Variants in TEC observed in about 807,000 individuals in gnomAD.
The protein encoded by TEC is tec protein tyrosine kinase.
A neutral mutation model predicts 93.0 loss-of-function variants in TEC; 72 were observed. That is an observed-to-expected ratio of 0.77 (90% confidence interval 0.64 to 0.94). TEC has a LOEUF of 0.94. Ranked by LOEUF, TEC falls within the 40% of genes least tolerant of loss-of-function variation. The pLI, the probability that TEC is intolerant of heterozygous loss-of-function variation, is 0.00. For synonymous variants in TEC, 249 were observed against 247.7 expected, an observed-to-expected ratio of 1.01 and a Z score of -0.05; for missense variants, 630 against 757.9, an observed-to-expected ratio of 0.83 and a Z score of 1.98.
chr4:48,195,453 G>T (rs1319075517), intron 2 of TEC, among the ~76,000 whole-genome samples: 1 of 152,064 alleles, frequency 6.6e-6, no homozygotes, highest in Non-Finnish European at 1.5e-5. Context: ...TGTCCTTTGT[G>T]GTAAAGTGCA....
chr4:48,197,124 G>A (rs1379852524), intron 2 of TEC, among the ~76,000 whole-genome samples: 2 of 152,098 alleles, frequency 1.3e-5, no homozygotes, highest in Non-Finnish European at 2.9e-5. Flanking sequence ...GTCATATTCC[G>A]GTGAATATAA....
At chr4:48,191,040 C>T (rs1374997196) in intron 2 of TEC, among the ~76,000 whole-genome samples, 1 of 152,212 alleles carries the variant, frequency 6.6e-6, no homozygotes, top group Non-Finnish European at 1.5e-5. Flanking sequence ...AGCACCCAGG[C>T]TTCAGTGACC....
At chr4:48,234,664 TAAC>T (rs1218866187) in intron 1 of TEC, among the ~76,000 whole-genome samples, 2 of 152,180 alleles carry the variant, frequency 1.3e-5, no homozygotes, top group Admixed American at 6.5e-5. Flanking sequence ...CTGCTACAAA[TAAC>T]AACTACACCG....
intron 1 of TEC, among the ~76,000 whole-genome samples, chr4:48,248,052 T>C (rs1437842665): frequency 2.6e-5 from 4 of 152,126 alleles, no homozygotes; most frequent in Non-Finnish European, 5.9e-5. Flanking sequence ...ACACAGTCAA[T>C]TAGCCTTGAG....
At chr4:48,218,510 C>T (rs1221372763) in intron 2 of TEC, among the ~76,000 whole-genome samples, 1 of 152,178 alleles carries the variant, frequency 6.6e-6, no homozygotes, top group East Asian at 1.9e-4. Flanking sequence ...TCCAATTGCC[C>T]GGTAGTACAA....
At chr4:48,176,210 A>G (rs1312594614) in intron 2 of TEC, 24 bp from the exon 3 acceptor site, 1 of 1,550,664 alleles carries the variant, frequency 6.4e-7, no homozygotes. Context: ...AAAAGGAGAA[A>G]CATTAGAATC....
chr4:48,150,489 TC>T (rs1000504621), intron 10 of TEC, among the ~76,000 whole-genome samples: 46 of 152,044 alleles, frequency 3.0e-4, no homozygotes, highest in African/African-American at 1.0e-3. Context: ...CACATTACCC[TC>T]CCACATGGCA....
intron 2 of TEC, among the ~76,000 whole-genome samples, chr4:48,179,651 A>G (rs1285762970): frequency 6.6e-6 from 1 of 151,882 alleles, no homozygotes; most frequent in African/African-American, 2.4e-5. Context: ...GGCCTCCCAA[A>G]GTGCTGGGAT....
At chr4:48,254,799 C>CATA (rs1724297432) in intron 1 of TEC, among the ~76,000 whole-genome samples, 1 of 152,146 alleles carries the variant, frequency 6.6e-6, no homozygotes. Context: ...TGGGCTATGC[C>CATA]ATAGGGCAGG....
intron 1 of TEC, among the ~76,000 whole-genome samples, chr4:48,243,159 T>G (rs1471835519): frequency 6.6e-6 from 1 of 151,436 alleles, no homozygotes; most frequent in Non-Finnish European, 1.5e-5. Flanking sequence ...CAATGGTTCT[T>G]TAAACATCAT....
intron 7 of TEC, among the ~76,000 whole-genome samples, chr4:48,165,010 CAAAAAAAAGAAAGAA>C (rs1720825101): frequency 6.7e-6 from 1 of 149,790 alleles, no homozygotes; most frequent in Non-Finnish European, 1.5e-5. Flanking sequence ...GACTCCATCT[CAAAAAAAAGAAAGAA>C]AAAGAAAAGA....
intron 3 of TEC, among the ~76,000 whole-genome samples, chr4:48,172,267 G>GA (rs55859400): frequency 0.38 from 57,513 of 151,850 alleles, 11,895 homozygotes; most frequent in East Asian, 0.9. Flanking sequence ...TCACAAGGCA[G>GA]AAATCTGTTT....
At chr4:48,181,372 G>A (rs964945077) in intron 2 of TEC, among the ~76,000 whole-genome samples, 2 of 151,980 alleles carry the variant, frequency 1.3e-5, no homozygotes, top group Non-Finnish European at 2.9e-5. Context: ...AGGCAGGGCT[G>A]CGGAAAAAAA....
intron 1 of TEC, among the ~76,000 whole-genome samples, chr4:48,237,331 AAGAG>A (rs1054047669): frequency 2.7e-5 from 4 of 150,876 alleles, no homozygotes; most frequent in Admixed American, 6.6e-5. Context: ...AAAAAAAAAA[AAGAG>A]AGAGAGAGAA....
At chr4:48,245,438 AC>A (rs1724029473) in intron 1 of TEC, among the ~76,000 whole-genome samples, 1 of 152,226 alleles carries the variant, frequency 6.6e-6, no homozygotes, top group Admixed American at 6.5e-5. Flanking sequence ...ACACACATAC[AC>A]AAAAAAATCA....
At chr4:48,201,955 T>TA (rs1722530381) in intron 2 of TEC, among the ~76,000 whole-genome samples, 2 of 143,210 alleles carry the variant, frequency 1.4e-5, no homozygotes, top group South Asian at 2.3e-4. Context: ...GTGGCTTATT[T>TA]TTTTTTTTTT....
At chr4:48,174,397 G>C (rs144886387) in intron 3 of TEC, among the ~76,000 whole-genome samples, 2 of 152,124 alleles carry the variant, frequency 1.3e-5, no homozygotes, top group Non-Finnish European at 2.9e-5. Flanking sequence ...AGTGGCTCAC[G>C]ACTGTAATCT....
chr4:48,186,643 G>C (rs1320764295), intron 2 of TEC, among the ~76,000 whole-genome samples: 1 of 151,012 alleles, frequency 6.6e-6, no homozygotes, highest in Non-Finnish European at 1.5e-5. Context: ...GGGAAGTGAG[G>C]AGCCCCTGCG....
At chr4:48,176,536 C>A (rs1047228722) in intron 2 of TEC, among the ~76,000 whole-genome samples, 2 of 152,132 alleles carry the variant, frequency 1.3e-5, no homozygotes, top group African/African-American at 4.8e-5. Flanking sequence ...GCCTGGCCAA[C>A]ATGGCAAAAC....
Sources: gnomAD v4.1 joint callset for allele counts (sites outside exome capture counted in the v4.1 genomes callset) on GRCh38, gnomAD v4.1.1 for gene constraint, MANE v1.5 for transcripts, NCBI Gene and HGNC (gene_info 2026-07-23, HGNC 2026-07-21) for gene names.